MET: variants seen among roughly 807,000 people sequenced by gnomAD.
MET encodes the protein hepatocyte growth factor receptor.
MET carries 48 observed loss-of-function variants against 133.1 expected under a neutral mutation model. The ratio of observed to expected loss-of-function variants is 0.36; its 90% confidence interval spans 0.29 to 0.46. The LOEUF (loss-of-function observed/expected upper bound fraction) is 0.46, where lower values mean the gene tolerates loss of function less well. Among genes scored for constraint, MET ranks in the 20% least tolerant of loss-of-function variants. The probability of loss-of-function intolerance (pLI) is 1.00; values close to 1 mark genes in which losing one functional copy is unlikely to be tolerated. For synonymous variants in MET, 628 were observed against 616.5 expected, an observed-to-expected ratio of 1.02 and a Z score of -0.28; for missense variants, 1,442 against 1,695.9, an observed-to-expected ratio of 0.85 and a Z score of 2.63.
At chr7:116,789,283 A>G (rs1278901075) in intron 19 of MET, among the ~76,000 whole-genome samples, 1 of 152,172 alleles carries the variant, frequency 6.6e-6, no homozygotes, top group Non-Finnish European at 1.5e-5. Context: ...TCCCATCAAT[A>G]ACCACCTTTG....
rs1262567390 is a variant in MET, at chr7:116,729,561, T to C, written c.1201-2107T>C. Among the ~76,000 whole-genome samples, 7 of 152,234 alleles carry C rather than the reference T, an allele frequency of 4.6e-5. 1 individual carries two copies. Among genetic ancestry groups the C allele is most frequent in the Non-Finnish European group, 1.0e-4 (7 of 68,044 alleles). On this transcript the variant is annotated intron_variant, in intron 2 of 20. Coordinates refer to ENST00000397752, the MANE Select transcript of MET (RefSeq NM_000245.4). ...TTGTGATTATTATCATATGGGATGA[T>C]AATAGAGAATTTCTTACTTCCTAAT...
chr7:116,789,478 T>C (rs1490305096), intron 19 of MET, among the ~76,000 whole-genome samples: 2 of 152,204 alleles, frequency 1.3e-5, no homozygotes, highest in Non-Finnish European at 2.9e-5. Flanking sequence ...ATGCATGCAG[T>C]TGTGTAACCA....
rs746040712 is a variant in MET, at chr7:116,763,142, C to T, written c.2457C>T (p.Ala819=). The change falls in exon 11 of 21, where the codon GCC becomes GCT. Residue 819 remains alanine (A), a synonymous_variant. Transcript: ENST00000397752. ...TGCAACTCCCCCTGAAAACCAAAGC[C>T]TTTTTCATGTTAGATGGGATCCTTT... The part of the protein sequence containing the change: ...LNLQLPLKTK[A]FFMLDGILSK... 3 of 1,613,984 alleles carry T rather than the reference C, an allele frequency of 1.9e-6. No individual in the cohort carries two copies. Among genetic ancestry groups the T allele is most frequent in the Non-Finnish European group, 2.5e-6 (3 of 1,179,930 alleles).
At chr7:116,706,014 C>T (rs1185873097) in intron 2 of MET, among the ~76,000 whole-genome samples, 1 of 151,998 alleles carries the variant, frequency 6.6e-6, no homozygotes, top group Admixed American at 6.6e-5. Context: ...CTCTTTAAAC[C>T]ATTACATGGC....
rs1050516424 is a variant in MET at position 116,796,773 on chromosome 7, C to T, written c.*649C>T. On this transcript the variant is annotated 3_prime_UTR_variant, in exon 21 of 21. Coordinates refer to ENST00000397752, the MANE Select transcript of MET (RefSeq NM_000245.4). ...AGCTGGGACTACAGGCGCACACCAC[C>T]ATCCCCGGCTAATTTTTGTATTTTT... 3.1e-5 allele frequency: 6 copies of T among 191,310 alleles called. No homozygotes were observed. In the East Asian group the frequency reaches 5.0e-4, roughly 16 times the overall value. 11.9% of individuals were successfully genotyped at this position (191,310 alleles called of 1,614,324 possible).
chr7:116,741,067 G>GTTTTTTTTTTTTTTTTTTTTTTGTTTT, intron 5 of MET, 42 bp downstream of exon 5: 1 of 1,348,786 alleles, frequency 7.4e-7, no homozygotes, highest in Non-Finnish European at 1.0e-6. Flanking sequence ...TTTGTTTGGT[G>GTTTTTTTTTTTTTTTTTTTTTTGTTTT]TTTTTTTTTT....
At chr7:116,737,070 A>G (rs1793242641) in intron 3 of MET, among the ~76,000 whole-genome samples, 1 of 152,222 alleles carries the variant, frequency 6.6e-6, no homozygotes, top group Admixed American at 6.5e-5. Flanking sequence ...CCTGCAGAGA[A>G]CGGGCTAATG....
At chr7:116,679,967 T>C (rs576673110) in intron 1 of MET, among the ~76,000 whole-genome samples, 2 of 152,306 alleles carry the variant, frequency 1.3e-5, no homozygotes, top group East Asian at 1.9e-4. Flanking sequence ...TACCATATTG[T>C]GAATTTCTAA....
At chr7:116,768,303 C>G (rs1794706354) in intron 11 of MET, among the ~76,000 whole-genome samples, 1 of 152,124 alleles carries the variant, frequency 6.6e-6, no homozygotes, top group East Asian at 1.9e-4. Flanking sequence ...TCCTACAGCT[C>G]TTTAATCTCT....
At chr7:116,722,244 C>T (rs972365693) in intron 2 of MET, among the ~76,000 whole-genome samples, 2 of 150,474 alleles carry the variant, frequency 1.3e-5, no homozygotes, top group East Asian at 3.9e-4. Flanking sequence ...ATGTAATGGC[C>T]TTGTCTCTTT....
At chr7:116,766,543 T>C (rs1249031278) in intron 11 of MET, among the ~76,000 whole-genome samples, 2 of 152,164 alleles carry the variant, frequency 1.3e-5, no homozygotes, top group African/African-American at 4.8e-5. Context: ...ATAATTTATG[T>C]GCAACTCTAC....
At chr7:116,680,864 C>T (rs1796330374) in intron 1 of MET, among the ~76,000 whole-genome samples, 2 of 152,006 alleles carry the variant, frequency 1.3e-5, no homozygotes, top group Non-Finnish European at 2.9e-5. Flanking sequence ...ATCACCTGAG[C>T]CTGGGAGGCC....
At chr7:116,687,871 C>T (rs1796617031) in intron 1 of MET, among the ~76,000 whole-genome samples, 1 of 152,242 alleles carries the variant, frequency 6.6e-6, no homozygotes, top group African/African-American at 2.4e-5. Flanking sequence ...CCCTTTGTCT[C>T]TCTGTCCCTG....
At chr7:116,727,479 C>T (rs1792839366) in intron 2 of MET, among the ~76,000 whole-genome samples, 2 of 152,228 alleles carry the variant, frequency 1.3e-5, no homozygotes, top group Middle Eastern at 6.8e-3. Flanking sequence ...TTTCCTCCCT[C>T]CCTTCCTTCC....
Position 116,758,596 on chromosome 7 carries a change from T to C in MET, c.2240T>C (p.Ile747Thr). The C allele has an allele frequency of 6.2e-7, 1 of 1,613,788 alleles. No individual in the cohort carries two copies. Among genetic ancestry groups the C allele is most frequent in the Non-Finnish European group, 8.5e-7 (1 of 1,179,860 alleles). ...CGTGAAGATCCCATTGTCTATGAAA[T>C]TCATCCAACCAAATCTTTTATTAGG... ...SYREDPIVYE[I>T]HPTKSFISGG... The change falls in exon 9 of 21, where the codon ATT (isoleucine) becomes ACT (threonine). Residue 747 changes from isoleucine (I) to threonine (T), a missense_variant. Around this residue, in one of 6 missense-constraint regions of MET, gnomAD observed 514 missense variants for 659.6 expected, o/e 0.78. Coordinates refer to ENST00000397752, the MANE Select transcript of MET (RefSeq NM_000245.4).
At chr7:116,713,069 A>G (rs867246020) in intron 2 of MET, among the ~76,000 whole-genome samples, 2 of 152,184 alleles carry the variant, frequency 1.3e-5, no homozygotes, top group African/African-American at 4.8e-5. Context: ...TTGGTCACCA[A>G]TCCATGATTT....
intron 5 of MET, among the ~76,000 whole-genome samples, chr7:116,742,932 G>A (rs1793518880): frequency 6.6e-6 from 1 of 152,230 alleles, no homozygotes; most frequent in African/African-American, 2.4e-5. Context: ...AGACAGACTC[G>A]AGGTGGGTGT....
rs560877696 is a variant in MET, at chr7:116,734,956, G to A, written c.1392+3097G>A. 2.0e-5 allele frequency among the ~76,000 whole-genome samples: 3 copies of A among 152,270 alleles called. No individual in the cohort carries two copies. In the East Asian group the frequency reaches 5.8e-4, roughly 29 times the overall value. On this transcript the variant is annotated intron_variant, in intron 3 of 20. Transcript: ENST00000397752. ...TCCTTGATTTTTTTTAACAGCACTT[G>A]TATAAGGCTTTTAATCTCTAAATGC...
At chr7:116,755,040 G>GAAAGAAAGAAAGAAAGAA (rs918744668) in intron 5 of MET, among the ~76,000 whole-genome samples, 1 of 39,370 alleles carries the variant, frequency 2.5e-5, no homozygotes, top group Non-Finnish European at 6.0e-5. Context: ...AAGAAAGAAA[G>GAAAGAAAGAAAGAAAGAA]AAAAGAAAGA....
Sources: allele counts gnomAD v4.1 joint callset (sites outside exome capture counted in the v4.1 genomes callset), GRCh38; gene constraint gnomAD v4.1.1; regional missense constraint gnomAD v4.1.1; transcripts MANE v1.5; gene names NCBI Gene and HGNC (gene_info 2026-07-23, HGNC 2026-07-21).